PCDHGA9: variants seen among roughly 807,000 people sequenced by gnomAD.
PCDHGA9 encodes the protein protocadherin gamma-A9.
Under a neutral mutation model 62.5 loss-of-function variants are expected in PCDHGA9, and 37 were observed. The ratio of observed to expected loss-of-function variants is 0.59; its 90% CI spans 0.46 to 0.78. The LOEUF (loss-of-function observed/expected upper bound fraction) is 0.78, where lower values mean the gene tolerates loss of function less well. Ranked by LOEUF, PCDHGA9 falls within the 30% of genes least tolerant of loss-of-function variation. The probability of loss-of-function intolerance (pLI) is 0.00; values close to 1 mark genes in which losing one functional copy is unlikely to be tolerated. For missense variants in PCDHGA9, 1,138 were observed against 1,166.2 expected (o/e 0.98, Z 0.35); for synonymous variants, 459 against 484.6 (o/e 0.95, Z 0.69).
chr5:141,427,928 G>A (rs1178662640), intron 1 of PCDHGA9: 2 of 1,583,504 alleles, frequency 1.3e-6, no homozygotes. Flanking sequence ...GCCGGCGCAT[G>A]TTGGTGGGCG....
chr5:141,484,763 T>C (rs2099600495), intron 1 of PCDHGA9, among the ~76,000 whole-genome samples: 1 of 151,872 alleles, frequency 6.6e-6, no homozygotes, highest in East Asian at 1.9e-4. Flanking sequence ...TATATATATA[T>C]ATGTTGTCTG....
At chr5:141,478,011 G>T (rs1216659966) in intron 1 of PCDHGA9, 1 of 1,614,088 alleles carries the variant, frequency 6.2e-7, no homozygotes, top group Non-Finnish European at 8.5e-7. Flanking sequence ...AGTACTGCCC[G>T]TCCAGTCCAA....
intron 1 of PCDHGA9, among the ~76,000 whole-genome samples, chr5:141,433,559 G>A (rs2154555800): frequency 6.6e-6 from 1 of 152,212 alleles, no homozygotes; most frequent in Non-Finnish European, 1.5e-5. Context: ...TTTCTGGCTG[G>A]GCGCGGTGGC....
intron 1 of PCDHGA9, among the ~76,000 whole-genome samples, chr5:141,472,602 T>C (rs1032061805): frequency 4.6e-5 from 7 of 152,026 alleles, no homozygotes; most frequent in African/African-American, 1.4e-4. Context: ...CTTGAAATTA[T>C]AAAACAAAGA....
At chr5:141,474,524 C>G (rs1260642402) in intron 1 of PCDHGA9, among the ~76,000 whole-genome samples, 1 of 152,170 alleles carries the variant, frequency 6.6e-6, no homozygotes, top group Non-Finnish European at 1.5e-5. Flanking sequence ...GCTGGTCTGG[C>G]TAATTATCAA....
At chr5:141,457,550 A>G (rs1331411755) in intron 1 of PCDHGA9, among the ~76,000 whole-genome samples, 1 of 152,230 alleles carries the variant, frequency 6.6e-6, no homozygotes, top group Non-Finnish European at 1.5e-5. Flanking sequence ...CAAATGTATG[A>G]TAAGCTTTGG....
chr5:141,413,880 T>G, intron 1 of PCDHGA9: 1 of 1,613,420 alleles, frequency 6.2e-7, no homozygotes, highest in Non-Finnish European at 8.5e-7. Flanking sequence ...TCAGTGTGAC[T>G]GTCTTCGATG....
At position 141,490,258 on chromosome 5, in the gene PCDHGA9, G is replaced by A. The variant is rs776865457; in HGVS notation, c.2425-4549G>A. Reference sequence around the variant, plus strand: ...GGGCCACTGTGTGATTCAAGTGGATGTGGGGGATGTCAATGACAATGCCCC... The same window carrying A: ...GGGCCACTGTGTGATTCAAGTGGATATGGGGGATGTCAATGACAATGCCCC... On this transcript the variant is annotated intron_variant, in intron 1 of 3. Transcript: ENST00000573521. The surrounding 1 kb of genome is among the most constrained non-coding windows in gnomAD (Gnocchi z 5.4). 6.2e-7 allele frequency: 1 copy of A among 1,614,136 alleles called. No homozygotes were observed.
Position 141,403,127 on chromosome 5 carries a change from C to G in PCDHGA9, c.175C>G (p.Leu59Val). Residue 59 changes from leucine (L) to valine (V), a missense_variant, in exon 1 of 4, where the codon CTG becomes GTG. Transcript: ENST00000573521. ...SKDLALEPRELAERRVRIVSR... is the reference protein window; with the variant it reads ...SKDLALEPREVAERRVRIVSR... Reference sequence around the variant, plus strand: ...GGACCTGGCTCTGGAGCCCCGGGAGCTGGCGGAGCGCCGAGTCCGCATCGT... The same window carrying G: ...GGACCTGGCTCTGGAGCCCCGGGAGGTGGCGGAGCGCCGAGTCCGCATCGT... The G allele has an allele frequency of 6.2e-7, 1 of 1,614,062 alleles. No individual in the cohort carries two copies. Among genetic ancestry groups the G allele is most frequent in the Non-Finnish European group, 8.5e-7 (1 of 1,179,912 alleles).
chr5:141,450,278 G>C (rs977381598), intron 1 of PCDHGA9, among the ~76,000 whole-genome samples: 1 of 152,026 alleles, frequency 6.6e-6, no homozygotes, highest in African/African-American at 2.4e-5. Flanking sequence ...TCAGCTAAGT[G>C]CTGGGATTAC....
chr5:141,486,421 G>A lies in PCDHGA9; in HGVS notation c.2425-8386G>A, dbSNP rs772631503. ...TGACTGCTGGACCCTTGGATCGAGA[G>A]GCCAAATCTAGCTATGACATCATGG... On this transcript the variant is annotated intron_variant, in intron 1 of 3. Coordinates refer to ENST00000573521, the MANE Select transcript of PCDHGA9 (RefSeq NM_018921.3). This position sits in a 1 kb window ranked among gnomAD's most constrained non-coding sequence, Gnocchi z 5.0. 2.5e-6 allele frequency: 4 copies of A among 1,614,152 alleles called. No homozygotes were observed. In the East Asian group the frequency reaches 6.7e-5, roughly 27 times the overall value.
chr5:141,462,262 A>G (rs2099035971), intron 1 of PCDHGA9, among the ~76,000 whole-genome samples: 1 of 152,192 alleles, frequency 6.6e-6, no homozygotes, highest in African/African-American at 2.4e-5. Flanking sequence ...GACCAGCCTA[A>G]AGTGTATTGT....
intron 1 of PCDHGA9, chr5:141,420,292 T>C (rs761934978): frequency 2.7e-6 from 4 of 1,485,132 alleles, no homozygotes; most frequent in Middle Eastern, 1.8e-4. Context: ...TTTAAAAATG[T>C]ATTTAATCCT....
chr5:141,483,289 A>G (rs1446467890), intron 1 of PCDHGA9, among the ~76,000 whole-genome samples: 3 of 152,194 alleles, frequency 2.0e-5, no homozygotes, highest in Admixed American at 2.0e-4. Flanking sequence ...TCTGTCAGTC[A>G]TAAGTGAAGG....
At chr5:141,412,561 T>G (rs1183372771) in intron 1 of PCDHGA9, 3 of 152,184 alleles carry the variant, frequency 2.0e-5, no homozygotes, top group Admixed American at 6.5e-5. Context: ...TCTCATGAGT[T>G]TATTTAATAT....
At chr5:141,482,457 C>T (rs1279922250) in intron 1 of PCDHGA9, among the ~76,000 whole-genome samples, 3 of 147,484 alleles carry the variant, frequency 2.0e-5, no homozygotes, top group Non-Finnish European at 3.0e-5. Context: ...TATTAGCATC[C>T]CTATGTGCCA....
rs1191643556 is a variant in PCDHGA9 at position 141,486,302 on chromosome 5, C to A, written c.2425-8505C>A. On this transcript the variant is annotated intron_variant, in intron 1 of 3. Transcript: ENST00000573521. The surrounding 1 kb of genome is among the most constrained non-coding windows in gnomAD (Gnocchi z 5.0). ...GGTGGCACTTATCAGTGTGCAGGAT[C>A]CAGACTCAGGGTCAAACGGAGATGT... The A allele has an allele frequency of 6.2e-7, 1 of 1,614,036 alleles. No individual in the cohort carries two copies. The highest frequency in any genetic ancestry group is 8.5e-7 in the Non-Finnish European group (1 of 1,179,994).
Position 141,432,184 on chromosome 5 carries a change from C to T in PCDHGA9, c.2424+26808C>T, listed in dbSNP as rs774512372. 3.7e-6 allele frequency: 6 copies of T among 1,614,164 alleles called. No homozygotes were observed. The highest frequency in any genetic ancestry group is 2.2e-5 in the South Asian group (2 of 91,080). On this transcript the variant is annotated intron_variant, in intron 1 of 3. Transcript: ENST00000573521. The surrounding 1 kb of genome is among the most constrained non-coding windows in gnomAD (Gnocchi z 6.0). Reference sequence around the variant, plus strand: ...GAGGAGTTTCCCTCGTCTCTGTGACCGCCCACGACCCCGACTGTGAAGAGA... The same window carrying T: ...GAGGAGTTTCCCTCGTCTCTGTGACTGCCCACGACCCCGACTGTGAAGAGA...
At chr5:141,450,881 G>A (rs1205242412) in intron 1 of PCDHGA9, among the ~76,000 whole-genome samples, 1 of 149,726 alleles carries the variant, frequency 6.7e-6, no homozygotes, top group African/African-American at 2.5e-5. Flanking sequence ...CTGGTGTGCA[G>A]TGGTGCGATA....
Sources: gnomAD v4.1 joint callset for allele counts (sites outside exome capture counted in the v4.1 genomes callset) on GRCh38, gnomAD v4.1.1 for gene constraint, Gnocchi (gnomAD v3.1) non-coding constraint, MANE v1.5 for transcripts, NCBI Gene and HGNC (gene_info 2026-07-23, HGNC 2026-07-21) for gene names.